Variants in DCDC2 observed in about 807,000 individuals in gnomAD.
DCDC2 encodes doublecortin domain-containing protein 2.
In DCDC2, 40 loss-of-function variants were observed where a neutral mutation model predicts 50.2. That is an observed-to-expected ratio of 0.80 (90% CI 0.62 to 1.04). The LOEUF is 1.04. DCDC2 is among the 50% of genes least tolerant of loss of function. DCDC2 has a pLI of 0.00. For missense variants in DCDC2, 570 were observed against 581.9 expected (o/e 0.98, Z 0.21); for synonymous variants, 234 against 210.6 (o/e 1.11, Z -0.96).
At chr6:24,284,866 T>C (rs1561758265) in intron 6 of DCDC2, among the ~76,000 whole-genome samples, 4 of 152,146 alleles carry the variant, frequency 2.6e-5, no homozygotes, top group South Asian at 4.1e-4. Flanking sequence ...CCTGGCACAA[T>C]TGGCTGTGTT....
the DCDC2 span, among the ~76,000 whole-genome samples, chr6:24,369,133 C>CAAAAAAAAA: frequency 4.7e-4 from 44 of 92,758 alleles, no homozygotes; most frequent in African/African-American, 8.2e-4. Context: ...GACTCTGTCT[C>CAAAAAAAAA]AAAAAAAAAA....
chr6:24,298,431 G>A (rs1048604834), intron 4 of DCDC2, among the ~76,000 whole-genome samples: 2 of 152,226 alleles, frequency 1.3e-5, no homozygotes, highest in African/African-American at 4.8e-5. Flanking sequence ...TTTACTTACA[G>A]AGTACCTTGG....
At chr6:24,341,865 C>A (rs1389836310) in intron 2 of DCDC2, among the ~76,000 whole-genome samples, 2 of 152,136 alleles carry the variant, frequency 1.3e-5, no homozygotes, top group African/African-American at 4.8e-5. Flanking sequence ...TGCTCTAGAT[C>A]TTTGAAACAA....
intron 8 of DCDC2, 63 bp downstream of exon 8, chr6:24,204,939 A>G: frequency 1.3e-6 from 2 of 1,494,644 alleles, no homozygotes; most frequent in Non-Finnish European, 1.8e-6. Context: ...AGGAGATAAC[A>G]CAAAACTTGG....
intron 7 of DCDC2, among the ~76,000 whole-genome samples, chr6:24,273,998 C>A (rs1763296626): frequency 6.6e-6 from 1 of 152,178 alleles, no homozygotes; most frequent in Non-Finnish European, 1.5e-5. Flanking sequence ...AAGAAGAATA[C>A]TGGCCCATGT....
intron 2 of DCDC2, among the ~76,000 whole-genome samples, chr6:24,307,497 T>C (rs1192315014): frequency 6.6e-6 from 1 of 152,248 alleles, no homozygotes; most frequent in Non-Finnish European, 1.5e-5. Context: ...CTCTATTTTC[T>C]TTATCGTATG....
upstream of DCDC2, among the ~76,000 whole-genome samples, chr6:24,359,898 A>T (rs1398675318): frequency 6.6e-6 from 1 of 152,196 alleles, no homozygotes; most frequent in Non-Finnish European, 1.5e-5. Context: ...GACAGCAGGC[A>T]GCGCGCAAGC....
Position 24,207,256 on chromosome 6 carries a change from T to TTCTCTCTCTCTCTCTCTCTCTC in DCDC2, c.923-2176_923-2155dup, listed in dbSNP as rs60603298. Among the ~76,000 whole-genome samples the TTCTCTCTCTCTCTCTCTCTCTC allele has an allele frequency of 4.8e-3, 623 of 129,608 alleles. 3 individuals carry two copies. Among genetic ancestry groups the TTCTCTCTCTCTCTCTCTCTCTC allele is most frequent in the Admixed American group, 8.1e-3 (106 of 13,020 alleles). 85.0% of individuals were successfully genotyped at this position (129,608 alleles called of 152,430 possible). On this transcript the variant is annotated intron_variant, in intron 7 of 9. Transcript: ENST00000378454. ...CTTCCCTCCCTCACTCCATCTATCT[T>TTCTCTCTCTCTCTCTCTCTCTC]TCTCTCTCTCTCTCTCTCTCTCTCT...
intron 7 of DCDC2, among the ~76,000 whole-genome samples, chr6:24,245,637 G>C (rs911965627): frequency 5.3e-5 from 8 of 152,198 alleles, no homozygotes; most frequent in African/African-American, 1.7e-4. Flanking sequence ...GACTGTCTTA[G>C]CAAAACAAAC....
chr6:24,382,013 C>CAGGCAGGT, the DCDC2 span, among the ~76,000 whole-genome samples: 2 of 92,976 alleles, frequency 2.2e-5, no homozygotes, highest in South Asian at 3.8e-4. Flanking sequence ...GGAAGGAAGG[C>CAGGCAGGT]AGGCAAGCTA....
chr6:24,255,309 C>T (rs554004509), intron 7 of DCDC2, among the ~76,000 whole-genome samples: 47 of 150,688 alleles, frequency 3.1e-4, no homozygotes, highest in African/African-American at 1.0e-3. Context: ...AAACCAATTC[C>T]AGACAGATTG....
At chr6:24,199,301 T>C (rs186517374) in intron 8 of DCDC2, among the ~76,000 whole-genome samples, 198 of 152,304 alleles carry the variant, frequency 1.3e-3, no homozygotes, top group African/African-American at 4.6e-3. Flanking sequence ...GGGACAAAGC[T>C]TCCAGAGGAA....
chr6:24,230,320 G>A (rs1021731609), intron 7 of DCDC2, among the ~76,000 whole-genome samples: 2 of 151,768 alleles, frequency 1.3e-5, no homozygotes, highest in African/African-American at 4.9e-5. Context: ...TCTCAATACA[G>A]TAGTAATTGA....
the DCDC2 span, among the ~76,000 whole-genome samples, chr6:24,363,295 A>C: frequency 1.3e-5 from 2 of 152,102 alleles, no homozygotes. Flanking sequence ...GCAGTTTGAG[A>C]CCAGCCTGGC....
chr6:24,310,891 C>T (rs931652400), intron 2 of DCDC2, among the ~76,000 whole-genome samples: 5 of 152,090 alleles, frequency 3.3e-5, no homozygotes, highest in Non-Finnish European at 7.4e-5. Flanking sequence ...GAGCTCTCCC[C>T]ACTCAAAATT....
chr6:24,342,863 T>C (rs1281447944), intron 2 of DCDC2, among the ~76,000 whole-genome samples: 2 of 152,186 alleles, frequency 1.3e-5, no homozygotes, highest in Non-Finnish European at 1.5e-5. Flanking sequence ...ATAATACTTT[T>C]CTTCCCCTGG....
intron 7 of DCDC2, among the ~76,000 whole-genome samples, chr6:24,277,517 A>G (rs561962290): frequency 5.3e-5 from 8 of 152,270 alleles, no homozygotes; most frequent in Non-Finnish European, 8.8e-5. Flanking sequence ...GCAATTTTTT[A>G]TTTTTATTTT....
At chr6:24,181,540 C>CA (rs2113742103) in intron 8 of DCDC2, among the ~76,000 whole-genome samples, 1 of 152,196 alleles carries the variant, frequency 6.6e-6, no homozygotes, top group South Asian at 2.1e-4. Flanking sequence ...TATACACTAA[C>CA]AATGAACAAT....
intron 2 of DCDC2, among the ~76,000 whole-genome samples, chr6:24,349,829 T>A (rs1336000231): frequency 6.6e-6 from 1 of 152,000 alleles, no homozygotes; most frequent in Non-Finnish European, 1.5e-5. Context: ...ATCCAGGAGA[T>A]CTGTTTATTT....
Sources: allele counts gnomAD v4.1 joint callset (sites outside exome capture counted in the v4.1 genomes callset), GRCh38; gene constraint gnomAD v4.1.1; transcripts MANE v1.5; gene names NCBI Gene and HGNC (gene_info 2026-07-23, HGNC 2026-07-21).